Variants in SCN3B observed in about 807,000 individuals in gnomAD.
SCN3B encodes the protein sodium voltage-gated channel beta subunit 3, also known as sodium channel regulatory subunit beta-3.
SCN3B carries 11 observed loss-of-function variants against 25.4 expected under a neutral mutation model. That is an observed-to-expected ratio of 0.43 (90% confidence interval 0.27 to 0.72). The LOEUF (loss-of-function observed/expected upper bound fraction) is 0.72. Ranked by LOEUF, SCN3B falls within the 30% of genes least tolerant of loss-of-function variation. The pLI is 0.18. For synonymous variants in SCN3B, 109 were observed against 110.7 expected (o/e 0.99, Z 0.09); for missense variants, 218 against 278.3 (o/e 0.78, Z 1.54).
intron 2 of SCN3B, among the ~76,000 whole-genome samples, chr11:123,649,802 C>G (rs1167274476): frequency 6.6e-6 from 1 of 151,976 alleles, no homozygotes; most frequent in Non-Finnish European, 1.5e-5. Flanking sequence ...CTCCTGGGTT[C>G]AAGCGATTCT....
chr11:123,638,815 T>C, intron 4 of SCN3B: 1 of 210,194 alleles, frequency 4.8e-6, no homozygotes, highest in Non-Finnish European at 9.6e-6. Context: ...CTGCCGGTGG[T>C]GGAGGGTGGT....
rs139739514 is a variant in SCN3B at position 123,629,233 on chromosome 11, A to T, written c.*4566T>A. ...TTGACATGAACAAGGAGTTTACTGA[A>T]AAACAGCACATACAGGCATTACGTT... On this transcript the variant is annotated 3_prime_UTR_variant, in exon 7 of 7. Transcript: ENST00000299333. 1 of 152,216 alleles carries T rather than the reference A, an allele frequency of 6.6e-6. No homozygotes were observed. The highest frequency in any genetic ancestry group is 2.4e-5 in the African/African-American group (1 of 41,456). The allele number at this position is 152,216 out of a possible 1,614,324, so 9.4% of individuals were successfully genotyped here.
chr11:123,650,802 C>G (rs1012614706), intron 2 of SCN3B, among the ~76,000 whole-genome samples: 1 of 152,160 alleles, frequency 6.6e-6, no homozygotes, highest in African/African-American at 2.4e-5. Flanking sequence ...TTTCTCATCT[C>G]TAAACTGGAA....
chr11:123,651,337 T>C (rs1955923714), intron 2 of SCN3B, among the ~76,000 whole-genome samples: 1 of 152,094 alleles, frequency 6.6e-6, no homozygotes, highest in South Asian at 2.1e-4. Context: ...GCAAATCAAA[T>C]GAAATTGTAT....
intron 5 of SCN3B, among the ~76,000 whole-genome samples, chr11:123,637,541 G>A (rs569417441): frequency 5.3e-5 from 8 of 151,986 alleles, no homozygotes; most frequent in Non-Finnish European, 1.0e-4. Flanking sequence ...TATTGTTGTT[G>A]TTTTTGAAAT....
intron 2 of SCN3B, among the ~76,000 whole-genome samples, 196 bp downstream of exon 2, chr11:123,653,551 G>T (rs1052398139): frequency 6.6e-6 from 1 of 152,124 alleles, no homozygotes; most frequent in Non-Finnish European, 1.5e-5. Context: ...GAATAGCGGG[G>T]AAGGGCGGTG....
intron 2 of SCN3B, among the ~76,000 whole-genome samples, chr11:123,650,010 T>A (rs899935434): frequency 1.3e-5 from 2 of 152,196 alleles, no homozygotes; most frequent in African/African-American, 4.8e-5. Context: ...AGTCCACCAC[T>A]GCCCTTCTTT....
chr11:123,637,275 C>T (rs1461650176), intron 5 of SCN3B, among the ~76,000 whole-genome samples: 10 of 152,100 alleles, frequency 6.6e-5, no homozygotes, highest in Non-Finnish European at 1.5e-5. Flanking sequence ...CTGCCAGGCT[C>T]TAGGGGAAAT....
intron 2 of SCN3B, among the ~76,000 whole-genome samples, chr11:123,653,247 C>T (rs1316471471): frequency 1.3e-5 from 2 of 151,696 alleles, no homozygotes; most frequent in Admixed American, 1.3e-4. Flanking sequence ...GTTTTCTTCC[C>T]ATTCCTTGTT....
In SCN3B at chr11:123,636,054, G is replaced by A. The variant is rs75297741; in HGVS notation, c.585-1848C>T. On this transcript the variant is annotated intron_variant, in intron 5 of 6. Transcript: ENST00000299333. ...GGGAGAAAATTGTTTACAATTGTGA[G>A]GTTTTACTCTCCATCTAGTTACGTT... Among the ~76,000 whole-genome samples the A allele has an allele frequency of 9.6e-3, 1,466 of 152,176 alleles. 25 individuals are homozygous for A. Among genetic ancestry groups the A allele is most frequent in the African/African-American group, 0.033 (1,389 of 41,510 alleles).
chr11:123,651,247 T>C (rs1447183316), intron 2 of SCN3B, among the ~76,000 whole-genome samples: 2 of 152,124 alleles, frequency 1.3e-5, no homozygotes, highest in Admixed American at 1.3e-4. Flanking sequence ...TCCCTTCATA[T>C]TGTACATCAT....
Position 123,645,684 on chromosome 11 carries a change from A to G in SCN3B, c.122T>C (p.Met41Thr). The G allele has an allele frequency of 1.2e-6, 2 of 1,614,116 alleles. No individual in the cohort carries two copies. The highest frequency in any genetic ancestry group is 1.7e-6 in the Non-Finnish European group (2 of 1,180,030). ...SETEAVQGNP[M>T]KLRCISCMKR... ...CATGCAGGAGATGCAGCGCAGCTTC[A>G]TGGGGTTGCCCTGCACGGCCTCCGT... is the stretch of plus-strand genomic sequence containing the variant. The change falls in exon 3 of 7, where the codon ATG becomes ACG. Residue 41 changes from methionine (M) to threonine (T), a missense_variant. By Grantham distance (81) the Met-to-Thr change is moderately conservative. Coordinates refer to ENST00000299333, the MANE Select transcript of SCN3B (RefSeq NM_001040151.2).
chr11:123,649,833 A>G (rs868844085), intron 2 of SCN3B, among the ~76,000 whole-genome samples: 31 of 152,010 alleles, frequency 2.0e-4, no homozygotes, highest in African/African-American at 6.8e-4. Flanking sequence ...CCCCCTGAGT[A>G]GCTGGGATTA....
rs1955659010 is a variant in SCN3B, at chr11:123,630,567, T to C, written c.*3232A>G. On this transcript the variant is annotated 3_prime_UTR_variant, in exon 7 of 7. Coordinates refer to ENST00000299333, the MANE Select transcript of SCN3B (RefSeq NM_001040151.2). The stretch of plus-strand genomic sequence containing the variant: ...CTAGTCTGGGTCTTTCGTAGGATTA[T>C]GGGAAGAGACAGGGAGGTGGGTGGA... 1 of 152,608 alleles carries C rather than the reference T, an allele frequency of 6.6e-6. No homozygotes were observed. Among genetic ancestry groups the C allele is most frequent in the African/African-American group, 2.4e-5 (1 of 41,446 alleles). The allele number at this position is 152,608 out of a possible 1,614,324, so 9.5% of individuals were successfully genotyped here. A position where few individuals can be genotyped will look rare whatever the true frequency, so the allele number is the denominator to read the frequency against.
rs148484744 is a variant in SCN3B, at chr11:123,642,501, C to A, written c.390G>T (p.Ala130=). The change falls in exon 4 of 7, where the codon GCG becomes GCT. Residue 130 remains alanine, a synonymous_variant. Coordinates refer to ENST00000299333, the MANE Select transcript of SCN3B (RefSeq NM_001040151.2). The surrounding 1 kb of genome is among the most constrained non-coding windows in gnomAD (Gnocchi z 4.3). Reference sequence around the variant, plus strand: ...GCGTCGTCTTCACAAAGGGCCGATGCGCCTCAAACTCAAACTCCCGGGACA... The same window carrying A: ...GCGTCGTCTTCACAAAGGGCCGATGAGCCTCAAACTCAAACTCCCGGGACA... ...CNVSREFEFE[A]HRPFVKTTRL... 1,123 of 1,614,168 alleles carry A rather than the reference C, an allele frequency of 7.0e-4. 9 individuals carry two copies. The highest frequency in any genetic ancestry group is 1.3e-3 in the East Asian group (57 of 44,882).
intron 3 of SCN3B, among the ~76,000 whole-genome samples, chr11:123,643,252 G>A (rs555871802): frequency 9.6e-4 from 146 of 152,324 alleles, no homozygotes; most frequent in African/African-American, 3.4e-3. Context: ...CCAGGATGCT[G>A]AAGCATGGCA....
At chr11:123,643,807 C>T (rs1281007871) in intron 3 of SCN3B, among the ~76,000 whole-genome samples, 1 of 152,246 alleles carries the variant, frequency 6.6e-6, no homozygotes, top group Non-Finnish European at 1.5e-5. Context: ...CTGGCCAAGA[C>T]ATCCAGCCTC....
chr11:123,638,092 G>T (rs1365226963), intron 5 of SCN3B, 94 bp downstream of exon 5: 2 of 1,408,070 alleles, frequency 1.4e-6, no homozygotes, highest in Non-Finnish European at 2.0e-6. Context: ...GAAGAGGGTG[G>T]AGGATGAATG....
At chr11:123,652,460 C>T (rs1171061307) in intron 2 of SCN3B, among the ~76,000 whole-genome samples, 2 of 152,184 alleles carry the variant, frequency 1.3e-5, no homozygotes, top group African/African-American at 4.8e-5. Flanking sequence ...CCAGATAATG[C>T]TGGCAGCTAG....
Sources: allele counts gnomAD v4.1 joint callset (sites outside exome capture counted in the v4.1 genomes callset), GRCh38; gene constraint gnomAD v4.1.1; non-coding constraint Gnocchi (gnomAD v3.1); transcripts MANE v1.5; gene names NCBI Gene and HGNC (gene_info 2026-07-23, HGNC 2026-07-21).